AKAP13: variants seen among roughly 807,000 people sequenced by gnomAD.
AKAP13 encodes A-kinase anchor protein 13.
In AKAP13, 80 loss-of-function variants were observed where a neutral mutation model predicts 264.5. The ratio of observed to expected loss-of-function variants is 0.30; its 90% CI spans 0.25 to 0.36. The LOEUF (loss-of-function observed/expected upper bound fraction) is 0.36, where lower values mean the gene tolerates loss of function less well. AKAP13 is among the 10% of genes least tolerant of loss of function. AKAP13 has a pLI of 1.00. For synonymous variants in AKAP13, 1,380 were observed against 1,250.2 expected (o/e 1.10, Z -2.19); for missense variants, 3,712 against 3,435.2 (o/e 1.08, Z -2.01).
At chr15:85,683,022 C>T (rs1472190521) in intron 15 of AKAP13, among the ~76,000 whole-genome samples, 5 of 152,144 alleles carry the variant, frequency 3.3e-5, no homozygotes, top group Non-Finnish European at 7.3e-5. Flanking sequence ...GGTTTTCATG[C>T]TTATGAGATA....
At chr15:85,385,985 C>G (rs971223249) in intron 1 of AKAP13, among the ~76,000 whole-genome samples, 24 of 151,886 alleles carry the variant, frequency 1.6e-4, no homozygotes, top group African/African-American at 2.7e-4. Flanking sequence ...ACCACCACAC[C>G]CAGCTAATTT....
intron 5 of AKAP13, among the ~76,000 whole-genome samples, chr15:85,550,404 G>A (rs1045570061): frequency 6.6e-6 from 1 of 152,226 alleles, no homozygotes; most frequent in East Asian, 1.9e-4. Flanking sequence ...ATTTACTGTA[G>A]TGGGCACTAT....
At chr15:85,497,345 GAGCTGTGCAAACAGTGATTGTTCAT>G in intron 2 of AKAP13, among the ~76,000 whole-genome samples, 1 of 152,314 alleles carries the variant, frequency 6.6e-6, no homozygotes, top group East Asian at 1.9e-4. Context: ...GCTGCTAGAC[GAGCTGTGCAAACAGTGATTGTTCAT>G]GGCAGGGAGA....
At chr15:85,469,718 C>G (rs1378816769) in intron 1 of AKAP13, among the ~76,000 whole-genome samples, 1 of 152,172 alleles carries the variant, frequency 6.6e-6, no homozygotes, top group Admixed American at 6.5e-5. Flanking sequence ...AACAGAGAAT[C>G]TTAAAATACT....
At position 85,622,243 on chromosome 15, in the gene AKAP13, C is replaced by A. The variant is rs557332400; in HGVS notation, c.4162-17131C>A. ...AGGGTGCTGTGTAGGGAATAATGGGCAGAACTATTTCAGATAGAATGGTCT... is the reference window on the plus strand; with the variant it reads ...AGGGTGCTGTGTAGGGAATAATGGGAAGAACTATTTCAGATAGAATGGTCT... On this transcript the variant is annotated intron_variant, in intron 8 of 36. Coordinates refer to ENST00000394518, the MANE Select transcript of AKAP13 (RefSeq NM_007200.5). Among the ~76,000 whole-genome samples, 8 of 152,128 alleles carry A rather than the reference C, an allele frequency of 5.3e-5. No individual in the cohort carries two copies. The South Asian group carries it at 1.5e-3, about 28-fold the overall frequency.
intron 1 of AKAP13, chr15:85,415,240 A>G (rs2072187166): frequency 3.8e-6 from 6 of 1,558,580 alleles, no homozygotes; most frequent in Non-Finnish European, 5.2e-6. Context: ...GCCACAGTTC[A>G]GCAGCTGGAA....
intron 3 of AKAP13, among the ~76,000 whole-genome samples, chr15:85,522,738 T>C (rs2076866410): frequency 6.6e-6 from 1 of 152,102 alleles, no homozygotes. Flanking sequence ...TAGACTCTGC[T>C]CCTTTCCTCT....
intron 1 of AKAP13, among the ~76,000 whole-genome samples, chr15:85,404,956 T>C (rs1246616953): frequency 2.6e-5 from 4 of 152,248 alleles, no homozygotes; most frequent in Non-Finnish European, 5.9e-5. Flanking sequence ...TAGGGCCTTA[T>C]GTAGCAGTGG....
chr15:85,693,480 G>T, intron 17 of AKAP13, 29 bp downstream of exon 17: 1 of 1,607,284 alleles, frequency 6.2e-7, no homozygotes, highest in South Asian at 1.1e-5. Flanking sequence ...CCTCTCGTAA[G>T]ATGGAACTCT....
rs995646473 is a variant in AKAP13, at chr15:85,740,943, C to G, written c.7609-103C>G. ...TGAAAAATGAGGGGAGAGTTCTAGT[C>G]CGTCATAGTGCCTGGTGCCCCCTGC... On this transcript the variant is annotated intron_variant, in intron 34 of 36. Transcript: ENST00000394518. The G allele has an allele frequency of 1.7e-5, 26 of 1,496,260 alleles. No homozygotes were observed. The African/African-American group carries it at 3.5e-4, about 20-fold the overall frequency. The allele number at this position is 1,496,260 out of a possible 1,614,324, so 92.7% of individuals were successfully genotyped here. A position where few individuals can be genotyped will look rare whatever the true frequency, so the allele number is the denominator to read the frequency against.
intron 1 of AKAP13, among the ~76,000 whole-genome samples, chr15:85,408,375 A>G (rs1382881500): frequency 6.6e-6 from 1 of 151,828 alleles, no homozygotes; most frequent in Non-Finnish European, 1.5e-5. Flanking sequence ...AGGCAGTGGC[A>G]TTTAGCTCTT....
intron 13 of AKAP13, among the ~76,000 whole-genome samples, chr15:85,666,099 A>G (rs1323764322): frequency 6.6e-6 from 1 of 152,228 alleles, no homozygotes; most frequent in Admixed American, 6.5e-5. Flanking sequence ...AGGAATCGCC[A>G]CACTGTCTTC....
At chr15:85,441,534 T>C (rs1596186987) in intron 1 of AKAP13, among the ~76,000 whole-genome samples, 1 of 152,166 alleles carries the variant, frequency 6.6e-6, no homozygotes, top group African/African-American at 2.4e-5. Flanking sequence ...ATGTTTTCTT[T>C]TATGGATCAT....
intron 2 of AKAP13, among the ~76,000 whole-genome samples, chr15:85,495,804 C>T (rs1244367996): frequency 6.6e-6 from 1 of 152,170 alleles, no homozygotes; most frequent in African/African-American, 2.4e-5. Context: ...CTTGTTTTCT[C>T]TCAGTACCAA....
rs1023104025 is a variant in AKAP13, at chr15:85,514,844, T to G, written c.34-6584T>G. 3.3e-4 allele frequency among the ~76,000 whole-genome samples: 22 copies of G among 67,406 alleles called. 1 individual carries two copies. Among genetic ancestry groups the G allele is most frequent in the Middle Eastern group, 0.021 (2 of 96 alleles). The allele number at this position is 67,406 out of a possible 152,430, so 44.2% of individuals were successfully genotyped here. ...TGTTGGTTAATGAGATTTTGAGGGGTTTTTTTTTTTTGGTACTGTAATAAT... is the reference window on the plus strand; with the variant it reads ...TGTTGGTTAATGAGATTTTGAGGGGGTTTTTTTTTTTGGTACTGTAATAAT... On this transcript the variant is annotated intron_variant, in intron 2 of 36. Coordinates refer to ENST00000394518, the MANE Select transcript of AKAP13 (RefSeq NM_007200.5).
Position 85,547,834 on chromosome 15 carries a change from ATCTTAGCCCCAG to A in AKAP13, c.662+3880_662+3891del, listed in dbSNP as rs373738477. On this transcript the variant is annotated intron_variant, in intron 5 of 36. Transcript: ENST00000394518. Reference sequence around the variant, plus strand: ...TTTAATTTTCTGTCTTGCCTGAGAAATCTTAGCCCCAGAAGAGTACCCAAAACATGTAGGCCT... The same window carrying A: ...TTTAATTTTCTGTCTTGCCTGAGAAAAAGAGTACCCAAAACATGTAGGCCT... 6.3e-3 allele frequency among the ~76,000 whole-genome samples: 963 copies of A among 152,208 alleles called. 9 individuals carry two copies. The highest frequency in any genetic ancestry group is 0.022 in the African/African-American group (902 of 41,526).
chr15:85,567,941 GGT>G (rs57049395), intron 5 of AKAP13, among the ~76,000 whole-genome samples: 8,210 of 141,824 alleles, frequency 0.058, 279 homozygotes, highest in African/African-American at 0.098. Context: ...AGCCCAAAGA[GGT>G]GTGTGTGTGT....
chr15:85,685,967 A>G (rs933499659), intron 16 of AKAP13, among the ~76,000 whole-genome samples: 2 of 152,228 alleles, frequency 1.3e-5, no homozygotes, highest in Non-Finnish European at 2.9e-5. Context: ...GGAGAAAAGA[A>G]GTTCACTTTC....
At chr15:85,737,772 G>A (rs541906994) in intron 33 of AKAP13, among the ~76,000 whole-genome samples, 71 of 152,160 alleles carry the variant, frequency 4.7e-4, no homozygotes, top group African/African-American at 1.5e-3. Flanking sequence ...AGAGTAGCTG[G>A]GACTACAGGC....
Sources: allele counts gnomAD v4.1 joint callset (sites outside exome capture counted in the v4.1 genomes callset), GRCh38; gene constraint gnomAD v4.1.1; transcripts MANE v1.5; gene names NCBI Gene and HGNC (gene_info 2026-07-23, HGNC 2026-07-21).